CACNA1H: variants seen among roughly 807,000 people sequenced by gnomAD.
CACNA1H encodes the protein calcium voltage-gated channel subunit alpha1 H, also known as voltage-dependent T-type calcium channel subunit alpha-1H.
Under a neutral mutation model 192.5 loss-of-function variants are expected in CACNA1H, and 149 were observed. The observed-to-expected ratio is 0.77, with a 90% CI of 0.68 to 0.89. The LOEUF is 0.89. Among genes scored for constraint, CACNA1H ranks in the 40% least tolerant of loss-of-function variants. The pLI, the probability that CACNA1H is intolerant of heterozygous loss-of-function variation, is 0.00. For synonymous variants in CACNA1H, 2,202 were observed against 1,475.2 expected, an observed-to-expected ratio of 1.49 and a Z score of -11.29; for missense variants, 4,257 against 3,423.5, an observed-to-expected ratio of 1.24 and a Z score of -6.08.
rs369051137 is a variant in CACNA1H at position 1,220,781 on chromosome 16, C to A, written c.6849C>A (p.Asp2283Glu). The change falls in exon 35 of 35, where the codon GAC becomes GAA. Residue 2283 changes from aspartate (D) to glutamate (E), a missense_variant. Transcript: ENST00000348261. ...TCCCCAGTGGAGACCCTTTCTTGGA[C>A]GGTAGCCACAGTGTGACCCCAGAAT... Reference protein sequence around the residue: ...LGVPSGDPFLDGSHSVTPESR... With the variant: ...LGVPSGDPFLEGSHSVTPESR... 6.2e-7 allele frequency: 1 copy of A among 1,612,624 alleles called. No homozygotes were observed. Among genetic ancestry groups the A allele is most frequent in the East Asian group, 2.2e-5 (1 of 44,848 alleles).
rs761083620 is a variant in CACNA1H, at chr16:1,220,584, C to T, written c.6652C>T (p.Arg2218Cys). ...AAEGGSTTLRRRTPSCEATPH... is the reference protein window; with the variant it reads ...AAEGGSTTLRCRTPSCEATPH... ...AGAGGGCGGCAGCACCACACTGAGG[C>T]GCAGGACCCCGTCCTGTGAGGCCAC... Residue 2218 changes from arginine (R) to cysteine (C), a missense_variant, in exon 35 of 35, where the codon CGC becomes TGC. Coordinates refer to ENST00000348261, the MANE Select transcript of CACNA1H (RefSeq NM_021098.3). 50 of 1,543,008 alleles carry T rather than the reference C, an allele frequency of 3.2e-5. No homozygotes were observed. The highest frequency in any genetic ancestry group is 4.0e-5 in the Non-Finnish European group (46 of 1,151,632).
chr16:1,201,443 G>T (rs766455507), intron 8 of CACNA1H, among the ~76,000 whole-genome samples: 4 of 152,172 alleles, frequency 2.6e-5, no homozygotes, highest in Admixed American at 1.3e-4. Flanking sequence ...GAGGGTTCCA[G>T]GTCTTTTGTC....
Position 1,211,581 on chromosome 16 carries a change from A to T in CACNA1H, c.4451A>T (p.Lys1484Met). Reference sequence around the variant, plus strand: ...GCCCACTACCGCTGGGTGCGACGCAAGTACAACTTCGACAACCTGGGCCAG... The same window carrying T: ...GCCCACTACCGCTGGGTGCGACGCATGTACAACTTCGACAACCTGGGCCAG... ...RAAHYRWVRR[K>M]YNFDNLGQAL... Residue 1484 changes from lysine to methionine, a missense_variant, in exon 23 of 35, where the codon AAG (lysine) becomes ATG (methionine). Lys to Met is a moderately conservative substitution (Grantham distance 95, BLOSUM62 -1). Coordinates refer to ENST00000348261, the MANE Select transcript of CACNA1H (RefSeq NM_021098.3). 6.2e-7 allele frequency: 1 copy of T among 1,610,574 alleles called. No individual in the cohort carries two copies. The highest frequency in any genetic ancestry group is 8.5e-7 in the Non-Finnish European group (1 of 1,178,894).
intron 9 of CACNA1H, among the ~76,000 whole-genome samples, chr16:1,203,065 G>A (rs1968180599): frequency 6.6e-6 from 1 of 152,178 alleles, no homozygotes. Context: ...AGAGACGCAG[G>A]CGGGGGTGTG....
chr16:1,210,142 C>G lies in CACNA1H; in HGVS notation c.3845+7C>G. ...TCTTCTCCCCACAGAACCGGTGAGG[C>G]GGCCGGGTCAGGAGGCTGCATGGCT... is the stretch of plus-strand genomic sequence containing the variant. On this transcript the variant is annotated splice_region_variant and intron_variant, in intron 18 of 34. Transcript: ENST00000348261. The G allele has an allele frequency of 1.3e-6, 2 of 1,550,038 alleles. No homozygotes were observed. Among genetic ancestry groups the G allele is most frequent in the Non-Finnish European group, 1.7e-6 (2 of 1,146,038 alleles).
At chr16:1,153,581 G>A (rs1235303271) in intron 1 of CACNA1H, 111 bp downstream of exon 1, 16 of 414,890 alleles carry the variant, frequency 3.9e-5, no homozygotes, top group African/African-American at 2.4e-4. Context: ...GGGGGCGGGC[G>A]GGGGCGGGGG....
chr16:1,156,574 T>C (rs1467163218), intron 2 of CACNA1H, among the ~76,000 whole-genome samples: 1 of 152,086 alleles, frequency 6.6e-6, no homozygotes, highest in Non-Finnish European at 1.5e-5. Flanking sequence ...CTGGGGTGTG[T>C]CCCGTAGCAA....
Position 1,159,892 on chromosome 16 carries a change from CAG to C in CACNA1H, c.299+5857_299+5858del, listed in dbSNP as rs543732462. 5.8e-3 allele frequency: 880 copies of C among 152,418 alleles called. 5 individuals carry two copies. Among genetic ancestry groups the C allele is most frequent in the Non-Finnish European group, 8.3e-3 (562 of 68,084 alleles). The allele number at this position is 152,418 out of a possible 1,614,324, so 9.4% of individuals were successfully genotyped here. A position where few individuals can be genotyped will look rare whatever the true frequency, so the allele number is the denominator to read the frequency against. ...ACCCTCCCTGGCCTGGTGGAACGCT[CAG>C]GGGTGGTTCTGCATACTCCCCTCAC... On this transcript the variant is annotated intron_variant, in intron 2 of 34. Coordinates refer to ENST00000348261, the MANE Select transcript of CACNA1H (RefSeq NM_021098.3).
rs61742096 is a variant in CACNA1H at position 1,218,582 on chromosome 16, G to C, written c.5818G>C (p.Ala1940Pro). 1.9e-4 allele frequency: 290 copies of C among 1,565,414 alleles called. No homozygotes were observed. The highest frequency in any genetic ancestry group is 2.3e-4 in the Non-Finnish European group (266 of 1,155,278). ...CTACATGTTCAGGCCCGTGGTGCCTGCCTCGGCGCCCCACCCCCGCCCGCT... is the reference window on the plus strand; with the variant it reads ...CTACATGTTCAGGCCCGTGGTGCCTCCCTCGGCGCCCCACCCCCGCCCGCT... ...DSYMFRPVVPASAPHPRPLQE... is the reference protein window; with the variant it reads ...DSYMFRPVVPPSAPHPRPLQE... The change falls in exon 33 of 35, where the codon GCC (alanine) becomes CCC (proline). Residue 1940 changes from alanine to proline, a missense_variant. Ala to Pro is a conservative substitution (Grantham distance 27). Transcript: ENST00000348261.
chr16:1,183,285 C>T (rs1482286853), intron 2 of CACNA1H, among the ~76,000 whole-genome samples: 13 of 152,154 alleles, frequency 8.5e-5, no homozygotes, highest in Admixed American at 8.5e-4. Context: ...CAGTTTTCCC[C>T]CAGCACAGAG....
chr16:1,181,906 A>G (rs1167060878), intron 2 of CACNA1H, among the ~76,000 whole-genome samples: 1 of 151,990 alleles, frequency 6.6e-6, no homozygotes, highest in Non-Finnish European at 1.5e-5. Flanking sequence ...CCTTACACAC[A>G]TGCGCCCCTC....
In CACNA1H at chr16:1,209,298, G is replaced by T; in HGVS notation, c.3630G>T (p.Pro1210=). The T allele has an allele frequency of 1.3e-6, 2 of 1,589,712 alleles. No homozygotes were observed. Among genetic ancestry groups the T allele is most frequent in the Non-Finnish European group, 1.7e-6 (2 of 1,174,908 alleles). The change falls in exon 17 of 35, where the codon CCG becomes CCT. Residue 1210 remains proline, a synonymous_variant. Transcript: ENST00000348261. ...DPRPLRPAAL[P]PTKCRDRDGQ... is the part of the protein sequence containing the mutation. ...GGCCCCTGCGGCCGGCCGCCCTCCC[G>T]CCTACCAAGTGCCGCGATCGCGACG...
chr16:1,184,505 C>G (rs1395825508), intron 2 of CACNA1H, among the ~76,000 whole-genome samples: 2 of 152,254 alleles, frequency 1.3e-5, no homozygotes, highest in African/African-American at 4.8e-5. Flanking sequence ...GGCCCTCACC[C>G]TCATCCTCTG....
chr16:1,187,149 T>G (rs375697688), intron 2 of CACNA1H, among the ~76,000 whole-genome samples: 257 of 152,366 alleles, frequency 1.7e-3, no homozygotes, highest in African/African-American at 4.3e-3. Context: ...ATAGGTCGTC[T>G]TCTTGAGCAA....
At chr16:1,173,689 G>T (rs564552930) in intron 2 of CACNA1H, among the ~76,000 whole-genome samples, 2 of 152,248 alleles carry the variant, frequency 1.3e-5, no homozygotes, top group East Asian at 3.9e-4. Context: ...CGTCGGAGGG[G>T]TGAGGGAAGG....
chr16:1,160,817 GGGT>G (rs1168132541), intron 2 of CACNA1H, among the ~76,000 whole-genome samples: 1 of 152,172 alleles, frequency 6.6e-6, no homozygotes, highest in Non-Finnish European at 1.5e-5. Context: ...ATCCTTGGGT[GGGT>G]GTGGCCGCCG....
chr16:1,203,518 C>T (rs1052259559), intron 9 of CACNA1H, among the ~76,000 whole-genome samples: 1 of 152,042 alleles, frequency 6.6e-6, no homozygotes, highest in Non-Finnish European at 1.5e-5. Context: ...GGTGTGTGCC[C>T]AAATGTATGG....
rs1963870466 is a variant in CACNA1H, at chr16:1,167,152, C to A, written c.299+13116C>A. 6.6e-6 allele frequency among the ~76,000 whole-genome samples: 1 copy of A among 152,194 alleles called. No homozygotes were observed. ...CACGGCCCTTCCTTTCCTCGCCGAC[C>A]CTTTGGGGCGTCTCCCATCGGGAAA... On this transcript the variant is annotated intron_variant, in intron 2 of 34. Coordinates refer to ENST00000348261, the MANE Select transcript of CACNA1H (RefSeq NM_021098.3). The surrounding 1 kb of genome is among the most constrained non-coding windows in gnomAD (Gnocchi z 4.2).
intron 2 of CACNA1H, among the ~76,000 whole-genome samples, chr16:1,158,331 T>C (rs1962705983): frequency 6.6e-6 from 1 of 151,676 alleles, no homozygotes; most frequent in Non-Finnish European, 1.5e-5. Flanking sequence ...AGCTCATCCT[T>C]CCTGGGGCGA....
Sources: allele counts gnomAD v4.1 joint callset (sites outside exome capture counted in the v4.1 genomes callset), GRCh38; gene constraint gnomAD v4.1.1; non-coding constraint Gnocchi (gnomAD v3.1); transcripts MANE v1.5; gene names NCBI Gene and HGNC (gene_info 2026-07-23, HGNC 2026-07-21).